Variants in WDFY4 observed in about 807,000 individuals in gnomAD.
WDFY4 encodes the protein WDFY family member 4.
In WDFY4, 169 loss-of-function variants were observed where a neutral mutation model predicts 351.9. The observed-to-expected ratio is 0.48, with a 90% CI of 0.42 to 0.55. WDFY4 has a LOEUF of 0.55. Among genes scored for constraint, WDFY4 ranks in the 20% least tolerant of loss-of-function variants. WDFY4 has a pLI of 0.00. For missense variants in WDFY4, 3,803 were observed against 3,935.6 expected, an observed-to-expected ratio of 0.97 and a Z score of 0.90; for synonymous variants, 1,622 against 1,574.6, an observed-to-expected ratio of 1.03 and a Z score of -0.71.
At chr10:48,861,093 G>A (rs1387647817) in intron 39 of WDFY4, among the ~76,000 whole-genome samples, 1 of 151,932 alleles carries the variant, frequency 6.6e-6, no homozygotes, top group Non-Finnish European at 1.5e-5. Context: ...AGGTTTTTTA[G>A]TTGTTGCTCT....
At chr10:48,879,601 C>T (rs950100026) in intron 43 of WDFY4, among the ~76,000 whole-genome samples, 2 of 152,218 alleles carry the variant, frequency 1.3e-5, no homozygotes, top group Non-Finnish European at 2.9e-5. Flanking sequence ...TCAGCAGATT[C>T]TCTGCTAGAG....
Position 48,811,447 on chromosome 10 carries a change from G to A in WDFY4, c.5045-92G>A, listed in dbSNP as rs528677795. On this transcript the variant is annotated intron_variant, in intron 29 of 61. Coordinates refer to ENST00000325239, the MANE Select transcript of WDFY4 (RefSeq NM_001394531.1). ...CATCCAGCATTTCTATGGGATGGGTGGGTGGCCGGGTGTTCCTTTGTGTGT... is the reference window on the plus strand; with the variant it reads ...CATCCAGCATTTCTATGGGATGGGTAGGTGGCCGGGTGTTCCTTTGTGTGT... 4 of 1,094,020 alleles carry A rather than the reference G, an allele frequency of 3.7e-6. No individual in the cohort carries two copies. The East Asian group carries it at 1.0e-4, about 28-fold the overall frequency. 67.8% of individuals were successfully genotyped at this position (1,094,020 alleles called of 1,614,324 possible).
chr10:48,886,533 C>T (rs2070462104), intron 43 of WDFY4, among the ~76,000 whole-genome samples: 1 of 152,160 alleles, frequency 6.6e-6, no homozygotes, highest in Non-Finnish European at 1.5e-5. Context: ...AGGATAAGTT[C>T]AGCCCCATTT....
rs761022858 is a variant in WDFY4 at position 48,982,759 on chromosome 10, A to G, written c.*184A>G. 60 of 630,618 alleles carry G rather than the reference A, an allele frequency of 9.5e-5. No individual in the cohort carries two copies. The highest frequency in any genetic ancestry group is 1.7e-4 in the East Asian group (5 of 29,316). The allele number at this position is 630,618 out of a possible 1,614,324, so 39.1% of individuals were successfully genotyped here. A position where few individuals can be genotyped will look rare whatever the true frequency, so the allele number is the denominator to read the frequency against. On this transcript the variant is annotated 3_prime_UTR_variant, in exon 62 of 62. Transcript: ENST00000325239. ...CCTCTCCATGGCCGATGGGACTTCT[A>G]TGAAAAGGATGAGCACACACACTCG...
At chr10:48,718,612 G>A (rs1226668012) in intron 2 of WDFY4, among the ~76,000 whole-genome samples, 1 of 152,190 alleles carries the variant, frequency 6.6e-6, no homozygotes, top group Non-Finnish European at 1.5e-5. Context: ...CTTCCTGGTG[G>A]GAACTAGGCA....
rs539162934 is a variant in WDFY4 at position 48,823,618 on chromosome 10, A to G, written c.5982+1081A>G. On this transcript the variant is annotated intron_variant, in intron 35 of 61. Coordinates refer to ENST00000325239, the MANE Select transcript of WDFY4 (RefSeq NM_001394531.1). ...CAAGAGAGGAGAAATAGCCCTTGTCAGCTCTGTGAGGGTTAAAATCAGATT... is the reference window on the plus strand; with the variant it reads ...CAAGAGAGGAGAAATAGCCCTTGTCGGCTCTGTGAGGGTTAAAATCAGATT... 1.3e-5 allele frequency: 13 copies of G among 1,018,370 alleles called. No individual in the cohort carries two copies. The East Asian group carries it at 1.1e-3, about 88-fold the overall frequency. 63.1% of individuals were successfully genotyped at this position (1,018,370 alleles called of 1,614,324 possible). A position where few individuals can be genotyped will look rare whatever the true frequency, so the allele number is the denominator to read the frequency against.
chr10:48,825,790 T>C (rs1161853506), intron 35 of WDFY4, among the ~76,000 whole-genome samples: 7 of 152,182 alleles, frequency 4.6e-5, no homozygotes, highest in Admixed American at 6.5e-5. Flanking sequence ...CCTTTGCTCA[T>C]TTTTAATGGG....
At chr10:48,847,202 C>T (rs1473626007) in intron 39 of WDFY4, among the ~76,000 whole-genome samples, 1 of 152,178 alleles carries the variant, frequency 6.6e-6, no homozygotes. Context: ...CCCATGTCCT[C>T]ACGTGGTCTG....
At chr10:48,736,773 A>G (rs2064681553) in intron 11 of WDFY4, among the ~76,000 whole-genome samples, 2 of 152,182 alleles carry the variant, frequency 1.3e-5, no homozygotes, top group African/African-American at 4.8e-5. Flanking sequence ...ACACAGAAGT[A>G]GGAGAGACCA....
intron 47 of WDFY4, among the ~76,000 whole-genome samples, chr10:48,903,593 G>A (rs931802864): frequency 6.6e-6 from 1 of 152,206 alleles, no homozygotes; most frequent in African/African-American, 2.4e-5. Context: ...TGTGACAGAG[G>A]ACTTAAGGAT....
intron 32 of WDFY4, 123 bp downstream of exon 32, chr10:48,817,532 G>T: frequency 3.2e-6 from 4 of 1,248,284 alleles, no homozygotes; most frequent in Non-Finnish European, 4.3e-6. Context: ...CAACTTGAGC[G>T]GAACATTGAA....
intron 44 of WDFY4, among the ~76,000 whole-genome samples, chr10:48,891,056 C>T (rs1047857764): frequency 2.6e-5 from 4 of 152,222 alleles, no homozygotes; most frequent in East Asian, 1.9e-4. Context: ...ATGTTAGTTG[C>T]TCATTCTGCG....
chr10:48,982,784 G>C lies in WDFY4; in HGVS notation c.*209G>C, dbSNP rs774250970. The stretch of plus-strand genomic sequence containing the variant: ...ATGAAAAGGATGAGCACACACACTC[G>C]GAGGGCTGAGCAGCACGCTGGAAAC... On this transcript the variant is annotated 3_prime_UTR_variant, in exon 62 of 62. Coordinates refer to ENST00000325239, the MANE Select transcript of WDFY4 (RefSeq NM_001394531.1). 1.7e-6 allele frequency: 1 copy of C among 605,818 alleles called. No individual in the cohort carries two copies. The highest frequency in any genetic ancestry group is 2.6e-4 in the Middle Eastern group (1 of 3,820). The allele number at this position is 605,818 out of a possible 1,614,324, so 37.5% of individuals were successfully genotyped here.
intron 40 of WDFY4, among the ~76,000 whole-genome samples, chr10:48,868,664 T>G (rs946630035): frequency 6.6e-6 from 1 of 152,202 alleles, no homozygotes; most frequent in African/African-American, 2.4e-5. Flanking sequence ...TCTTGTAGGA[T>G]TGCATCCTTT....
At position 48,738,033 on chromosome 10, in the gene WDFY4, T is replaced by C. The variant is rs569570698; in HGVS notation, c.1878+1963T>C. Among the ~76,000 whole-genome samples the C allele has an allele frequency of 2.0e-5, 3 of 152,360 alleles. No homozygotes were observed. The South Asian group carries it at 6.2e-4, about 32-fold the overall frequency. On this transcript the variant is annotated intron_variant, in intron 11 of 61. Transcript: ENST00000325239. ...TGGTACATTTTCCTTCATATGTCCA[T>C]GTTCAGCGTGACTGGCATGTTCTGG...
At chr10:48,696,701 C>T (rs998061152) in intron 1 of WDFY4, among the ~76,000 whole-genome samples, 1 of 152,258 alleles carries the variant, frequency 6.6e-6, no homozygotes, top group African/African-American at 2.4e-5. Flanking sequence ...CCCCAGAGCA[C>T]ACTTACAAAG....
At chr10:48,780,372 C>G (rs574170758) in intron 19 of WDFY4, among the ~76,000 whole-genome samples, 1 of 152,320 alleles carries the variant, frequency 6.6e-6, no homozygotes, top group South Asian at 2.1e-4. Flanking sequence ...ATCCAGGTCT[C>G]TAAGAATAGT....
intron 47 of WDFY4, among the ~76,000 whole-genome samples, chr10:48,910,440 AT>A (rs1296445735): frequency 2.6e-5 from 4 of 152,168 alleles, no homozygotes; most frequent in Admixed American, 2.6e-4. Context: ...CCTATGAAGT[AT>A]TTTTATGCTT....
chr10:48,943,346 A>C lies in WDFY4; in HGVS notation c.7646A>C (p.Asn2549Thr). 6.4e-7 allele frequency: 1 copy of C among 1,551,664 alleles called. No individual in the cohort carries two copies. Among genetic ancestry groups the C allele is most frequent in the Non-Finnish European group, 8.7e-7 (1 of 1,146,972 alleles). The change falls in exon 49 of 62, where the codon AAT becomes ACT. Residue 2549 changes from asparagine (N) to threonine (T), a missense_variant. Physicochemically the swap from Asn to Thr is moderately conservative, Grantham distance 65. This residue lies in a region of WDFY4 where 3,054 missense variants were observed against 3,148.6 expected (regional missense o/e 0.97). Transcript: ENST00000325239. Reference protein sequence around the residue: ...LQKWQKRDISNFEYLMYLNTA... With the variant: ...LQKWQKRDISTFEYLMYLNTA... ...TTCTGGTAGAAAAGGGACATCAGCAATTTTGAGTATCTCATGTACCTCAAC... is the reference window on the plus strand; with the variant it reads ...TTCTGGTAGAAAAGGGACATCAGCACTTTTGAGTATCTCATGTACCTCAAC...
Sources: allele counts gnomAD v4.1 joint callset (sites outside exome capture counted in the v4.1 genomes callset), GRCh38; gene constraint gnomAD v4.1.1; regional missense constraint gnomAD v4.1.1; transcripts MANE v1.5; gene names NCBI Gene and HGNC (gene_info 2026-07-23, HGNC 2026-07-21).